Variants in PXDNL observed in about 807,000 individuals in gnomAD.
The protein encoded by PXDNL is probable oxidoreductase PXDNL.
PXDNL carries 145 observed loss-of-function variants against 150.8 expected under a neutral mutation model. That is an observed-to-expected ratio of 0.96 (90% CI 0.84 to 1.10). The LOEUF (loss-of-function observed/expected upper bound fraction) is 1.10, where lower values mean the gene tolerates loss of function less well. PXDNL is among the 50% of genes least tolerant of loss of function. The pLI, the probability that PXDNL is intolerant of heterozygous loss-of-function variation, is 0.00. For missense variants in PXDNL, 2,087 were observed against 1,873.9 expected, an observed-to-expected ratio of 1.11 and a Z score of -2.10; for synonymous variants, 757 against 725.7, an observed-to-expected ratio of 1.04 and a Z score of -0.69.
intron 1 of PXDNL, among the ~76,000 whole-genome samples, chr8:51,666,222 T>G (rs535427887): frequency 6.6e-6 from 1 of 152,310 alleles, no homozygotes; most frequent in South Asian, 2.1e-4. Context: ...TCCCTTCCTT[T>G]TTAAGCTATC....
Position 51,319,798 on chromosome 8 carries a change from T to C in PXDNL, c.*93A>G, listed in dbSNP as rs1412305468. The C allele has an allele frequency of 2.5e-6, 3 of 1,199,004 alleles. No homozygotes were observed. Among genetic ancestry groups the C allele is most frequent in the Non-Finnish European group, 1.1e-6 (1 of 905,100 alleles). The allele number at this position is 1,199,004 out of a possible 1,614,324, so 74.3% of individuals were successfully genotyped here. ...GTTGCTTAAGTCAGTGGTTTCCATA[T>C]CAACAATGTGACTACAAGTTAAAAG... On this transcript the variant is annotated 3_prime_UTR_variant, in exon 23 of 23. Transcript: ENST00000356297.
chr8:51,530,015 T>A (rs1189047747), intron 4 of PXDNL, among the ~76,000 whole-genome samples: 1 of 152,190 alleles, frequency 6.6e-6, no homozygotes, highest in Non-Finnish European at 1.5e-5. Flanking sequence ...TCAACTCTCC[T>A]GTGAGGAAGC....
intron 3 of PXDNL, among the ~76,000 whole-genome samples, chr8:51,577,942 A>G (rs1355761023): frequency 1.2e-5 from 1 of 82,628 alleles, no homozygotes; most frequent in African/African-American, 4.6e-5. Flanking sequence ...AAAGAAAGAA[A>G]GAAAGAAAGA....
intron 9 of PXDNL, among the ~76,000 whole-genome samples, chr8:51,456,089 T>A (rs10112102): frequency 0.21 from 31,264 of 152,092 alleles, 4,337 homozygotes; most frequent in African/African-American, 0.39. Flanking sequence ...GCTGACTTCC[T>A]CATCCTGACA....
chr8:51,378,938 G>GA (rs1273723531), intron 17 of PXDNL, among the ~76,000 whole-genome samples: 1 of 152,156 alleles, frequency 6.6e-6, no homozygotes, highest in Non-Finnish European at 1.5e-5. Context: ...CTTCATTCTT[G>GA]AAGTCAGTGA....
intron 21 of PXDNL, among the ~76,000 whole-genome samples, chr8:51,326,002 C>G (rs1180019504): frequency 6.6e-6 from 1 of 152,094 alleles, no homozygotes; most frequent in Non-Finnish European, 1.5e-5. Context: ...GGGCCTTTTT[C>G]TGTGTCTGTT....
At chr8:51,350,495 G>A (rs1806316224) in intron 19 of PXDNL, among the ~76,000 whole-genome samples, 1 of 151,728 alleles carries the variant, frequency 6.6e-6, no homozygotes, top group Admixed American at 6.6e-5. Flanking sequence ...GAGTAGCTGG[G>A]ATTACAGGCC....
chr8:51,449,527 G>A (rs189376225), intron 10 of PXDNL, among the ~76,000 whole-genome samples: 201 of 152,220 alleles, frequency 1.3e-3, no homozygotes, highest in Admixed American at 2.7e-3. Flanking sequence ...TTGATCTTTC[G>A]ATTTCAGAAA....
At position 51,374,606 on chromosome 8, in the gene PXDNL, T is replaced by C; in HGVS notation, c.3683A>G (p.Asp1228Gly). The change falls in exon 18 of 23, where the codon GAT becomes GGT. Residue 1228 changes from aspartate (D) to glycine (G), a missense_variant. Coordinates refer to ENST00000356297, the MANE Select transcript of PXDNL (RefSeq NM_144651.5). ...ACAGATAATCATTCACCTATCTCCATCTCTTAGCCGCTGAAACTGGGTAAC... is the reference window on the plus strand; with the variant it reads ...ACAGATAATCATTCACCTATCTCCACCTCTTAGCCGCTGAAACTGGGTAAC... The part of the protein sequence containing the change: ...LFVTQFQRLR[D>G]GDRFWYENPG... 2 of 1,613,890 alleles carry C rather than the reference T, an allele frequency of 1.2e-6. No homozygotes were observed. The highest frequency in any genetic ancestry group is 1.7e-6 in the Non-Finnish European group (2 of 1,179,862).
At chr8:51,326,567 A>T (rs536208602) in intron 21 of PXDNL, among the ~76,000 whole-genome samples, 7 of 152,200 alleles carry the variant, frequency 4.6e-5, no homozygotes, top group Non-Finnish European at 7.3e-5. Flanking sequence ...CAGAAATAGA[A>T]TTCTCATTAG....
chr8:51,688,122 C>T (rs1443407095), intron 1 of PXDNL, among the ~76,000 whole-genome samples: 1 of 152,080 alleles, frequency 6.6e-6, no homozygotes, highest in African/African-American at 2.4e-5. Flanking sequence ...GATCAGTAAA[C>T]ATTTTTTCCT....
At chr8:51,752,452 G>C (rs1563310028) in intron 1 of PXDNL, among the ~76,000 whole-genome samples, 1 of 152,120 alleles carries the variant, frequency 6.6e-6, no homozygotes, top group Admixed American at 6.5e-5. Flanking sequence ...TTGTATAAGG[G>C]CACTGGCTCT....
At chr8:51,711,254 C>T (rs111830911) in intron 1 of PXDNL, among the ~76,000 whole-genome samples, 1,764 of 152,300 alleles carry the variant, frequency 0.012, 17 homozygotes, top group South Asian at 0.024. Context: ...TCTCTTGCCT[C>T]AACCTCTCAA....
chr8:51,725,683 T>C (rs1563301437), intron 1 of PXDNL, among the ~76,000 whole-genome samples: 2 of 152,206 alleles, frequency 1.3e-5, no homozygotes, highest in South Asian at 2.1e-4. Context: ...CTCCCAGGCA[T>C]GAATTATAAG....
chr8:51,715,342 G>T (rs567400304), intron 1 of PXDNL, among the ~76,000 whole-genome samples: 2 of 152,292 alleles, frequency 1.3e-5, no homozygotes, highest in South Asian at 4.2e-4. Context: ...GAGGGTGAGA[G>T]ATTGAGTTAG....
rs148305565 is a variant in PXDNL, at chr8:51,411,751, T to C, written c.1905-344A>G. ...GCTCAGTAAACCTTCTGAAGTACTA[T>C]GCAATACTCTCGGTCTGCAGGACTT... is the stretch of plus-strand genomic sequence containing the variant. On this transcript the variant is annotated intron_variant, in intron 15 of 22. Transcript: ENST00000356297. 4.7e-3 allele frequency among the ~76,000 whole-genome samples: 715 copies of C among 152,304 alleles called. 7 individuals carry two copies. Among genetic ancestry groups the C allele is most frequent in the African/African-American group, 0.016 (681 of 41,568 alleles).
intron 19 of PXDNL, among the ~76,000 whole-genome samples, chr8:51,349,921 A>C (rs1806283856): frequency 1.3e-5 from 2 of 152,170 alleles, no homozygotes; most frequent in Non-Finnish European, 2.9e-5. Flanking sequence ...TGCTTGCAAA[A>C]AGGGGAAAAG....
chr8:51,728,955 T>G (rs1428704284), intron 1 of PXDNL, among the ~76,000 whole-genome samples: 1 of 152,184 alleles, frequency 6.6e-6, no homozygotes, highest in Admixed American at 6.5e-5. Context: ...TACATAGGTG[T>G]ACCAGTTTTT....
intron 19 of PXDNL, among the ~76,000 whole-genome samples, chr8:51,368,606 T>C (rs1402233146): frequency 1.3e-5 from 2 of 152,216 alleles, no homozygotes; most frequent in Admixed American, 6.5e-5. Flanking sequence ...TAATCATACA[T>C]TTCATTCTAA....
Sources: allele counts gnomAD v4.1 joint callset (sites outside exome capture counted in the v4.1 genomes callset), GRCh38; gene constraint gnomAD v4.1.1; transcripts MANE v1.5; gene names NCBI Gene and HGNC (gene_info 2026-07-23, HGNC 2026-07-21).